The following RASSF4 variants were observed in gnomAD, a reference collection of about 807,000 sequenced individuals.
The protein encoded by RASSF4 is Ras association domain family member 4.
A neutral mutation model predicts 41.1 loss-of-function variants in RASSF4; 38 were observed. The observed-to-expected ratio is 0.92, with a 90% CI of 0.71 to 1.21. The LOEUF (loss-of-function observed/expected upper bound fraction) is 1.21. Among genes scored for constraint, RASSF4 ranks in the 50% most tolerant of loss-of-function variants. RASSF4 has a pLI of 0.00. For synonymous variants in RASSF4, 179 were observed against 163.4 expected, an observed-to-expected ratio of 1.10 and a Z score of -0.73; for missense variants, 414 against 419.4, an observed-to-expected ratio of 0.99 and a Z score of 0.11.
intron 1 of RASSF4, among the ~76,000 whole-genome samples, chr10:44,963,819 A>C (rs1428089296): frequency 6.6e-6 from 1 of 152,272 alleles, no homozygotes; most frequent in African/African-American, 2.4e-5. Flanking sequence ...GGATGCCTGT[A>C]CGTTTTCCCT....
At chr10:44,965,913 G>A (rs143650982) in intron 1 of RASSF4, among the ~76,000 whole-genome samples, 122 of 152,318 alleles carry the variant, frequency 8.0e-4, no homozygotes, top group African/African-American at 2.8e-3. Flanking sequence ...CAACACGTTG[G>A]TTGTGTCCTA....
At chr10:44,975,457 C>A (rs1367571773) in intron 3 of RASSF4, among the ~76,000 whole-genome samples, 1 of 120,176 alleles carries the variant, frequency 8.3e-6, no homozygotes, top group Non-Finnish European at 1.8e-5. Context: ...CCACTCCCCT[C>A]TCCACCTCCC....
chr10:44,977,838 G>A, intron 3 of RASSF4: 1 of 1,606,532 alleles, frequency 6.2e-7, no homozygotes, highest in Non-Finnish European at 8.5e-7. Flanking sequence ...CTGTGGGGTG[G>A]CCTGGGTTGG....
intron 3 of RASSF4, among the ~76,000 whole-genome samples, chr10:44,974,771 G>A (rs1841330571): frequency 6.6e-6 from 1 of 152,222 alleles, no homozygotes; most frequent in Non-Finnish European, 1.5e-5. Context: ...TGGGACCAGC[G>A]GCTCCTTGTG....
chr10:44,986,952 A>G (rs1352862760), intron 6 of RASSF4, among the ~76,000 whole-genome samples: 2 of 152,164 alleles, frequency 1.3e-5, no homozygotes, highest in Non-Finnish European at 2.9e-5. Flanking sequence ...GAGAGAAACC[A>G]TTTGTGGTTA....
rs1447233345 is a variant in RASSF4 at position 44,994,706 on chromosome 10, T to C, written c.*1377T>C. 6.6e-6 allele frequency: 1 copy of C among 151,396 alleles called. No individual in the cohort carries two copies. The highest frequency in any genetic ancestry group is 1.5e-5 in the Non-Finnish European group (1 of 68,008). 9.4% of individuals were successfully genotyped at this position (151,396 alleles called of 1,614,324 possible). A position where few individuals can be genotyped will look rare whatever the true frequency, so the allele number is the denominator to read the frequency against. ...GGTGCTCAATAAAGGTGTGCTGTAT[T>C]GAACTGAAGAAGTGAGAACCAAGCT... is the stretch of plus-strand genomic sequence containing the variant. On this transcript the variant is annotated 3_prime_UTR_variant, in exon 11 of 11. Coordinates refer to ENST00000340258, the MANE Select transcript of RASSF4 (RefSeq NM_032023.4).
At chr10:44,985,097 T>G (rs1841871581) in intron 6 of RASSF4, 127 bp downstream of exon 6, 1 of 1,024,788 alleles carries the variant, frequency 9.8e-7, no homozygotes, top group African/African-American at 1.6e-5. Flanking sequence ...AAAACCAGGT[T>G]GCATCCACAT....
At chr10:44,961,395 G>T (rs922547743) in intron 1 of RASSF4, among the ~76,000 whole-genome samples, 5 of 152,228 alleles carry the variant, frequency 3.3e-5, no homozygotes, top group Non-Finnish European at 5.9e-5. Context: ...TTGGGTGTGT[G>T]TCAGAGTTCA....
chr10:44,963,604 C>T (rs1352463137), intron 1 of RASSF4, among the ~76,000 whole-genome samples: 2 of 152,216 alleles, frequency 1.3e-5, no homozygotes, highest in Non-Finnish European at 2.9e-5. Flanking sequence ...ACTTGCTGTC[C>T]TCCACCAGCG....
At chr10:44,988,438 G>A (rs2132801759) in intron 6 of RASSF4, among the ~76,000 whole-genome samples, 1 of 152,262 alleles carries the variant, frequency 6.6e-6, no homozygotes, top group South Asian at 2.1e-4. Flanking sequence ...CAAGATACCT[G>A]CAAAAATATA....
At chr10:44,963,211 G>A (rs536193129) in intron 1 of RASSF4, among the ~76,000 whole-genome samples, 32 of 152,306 alleles carry the variant, frequency 2.1e-4, no homozygotes, top group African/African-American at 7.5e-4. Flanking sequence ...AGGGATGATG[G>A]CGGGAGTGGA....
intron 1 of RASSF4, among the ~76,000 whole-genome samples, chr10:44,960,962 C>G (rs950237171): frequency 6.6e-5 from 10 of 152,096 alleles, no homozygotes; most frequent in Non-Finnish European, 1.5e-4. Flanking sequence ...GCCTTCTGTT[C>G]CTCTGTGTGG....
At chr10:44,982,401 TG>T in intron 3 of RASSF4, 119 bp from the exon 4 acceptor site, 2 of 1,246,220 alleles carry the variant, frequency 1.6e-6, no homozygotes, top group Non-Finnish European at 1.2e-6. Flanking sequence ...CCTGAGGGGA[TG>T]GGGCCACTCA....
chr10:44,979,227 C>T (rs550535858), intron 3 of RASSF4, among the ~76,000 whole-genome samples: 1 of 152,282 alleles, frequency 6.6e-6, no homozygotes, highest in African/African-American at 2.4e-5. Flanking sequence ...AGGCTGGGTC[C>T]CTAGGCCTGC....
chr10:44,987,626 CTTTT>C (rs34115822), intron 6 of RASSF4, among the ~76,000 whole-genome samples: 3 of 128,246 alleles, frequency 2.3e-5, no homozygotes, highest in Non-Finnish European at 4.9e-5. Context: ...AAAATGTGCA[CTTTT>C]TTTTTTTTTT....
chr10:44,982,247 A>G, intron 3 of RASSF4: 1 of 491,832 alleles, frequency 2.0e-6, no homozygotes, highest in Non-Finnish European at 3.6e-6. Flanking sequence ...CCTGCCGGCC[A>G]GCAGCTGGCT....
intron 1 of RASSF4, among the ~76,000 whole-genome samples, chr10:44,966,668 T>G (rs1840914178): frequency 6.6e-6 from 1 of 152,214 alleles, no homozygotes; most frequent in Admixed American, 6.5e-5. Flanking sequence ...GTTCTGGAAC[T>G]GTCATGGTGC....
At chr10:44,968,201 T>G (rs2132765549) in intron 1 of RASSF4, among the ~76,000 whole-genome samples, 1 of 152,306 alleles carries the variant, frequency 6.6e-6, no homozygotes, top group African/African-American at 2.4e-5. Context: ...CAGTGTGGGC[T>G]AAGAAACCCA....
chr10:44,986,260 C>G (rs1442328905), intron 6 of RASSF4, among the ~76,000 whole-genome samples: 11 of 152,202 alleles, frequency 7.2e-5, no homozygotes, highest in African/African-American at 2.7e-4. Context: ...ACATTCGCTT[C>G]TCCTCGAAGG....
Sources: gnomAD v4.1 joint callset for allele counts (sites outside exome capture counted in the v4.1 genomes callset) on GRCh38, gnomAD v4.1.1 for gene constraint, MANE v1.5 for transcripts, NCBI Gene and HGNC (gene_info 2026-07-23, HGNC 2026-07-21) for gene names.